The following UGGT2 variants were observed in gnomAD, a reference collection of about 807,000 sequenced individuals.
The protein encoded by UGGT2 is UDP-glucose glycoprotein glucosyltransferase 2.
A neutral mutation model predicts 192.1 loss-of-function variants in UGGT2; 180 were observed. The ratio of observed to expected loss-of-function variants is 0.94; its 90% CI spans 0.83 to 1.06. The LOEUF is 1.06. Among genes scored for constraint, UGGT2 ranks in the 50% least tolerant of loss-of-function variants. The probability of loss-of-function intolerance (pLI) is 0.00; values close to 1 mark genes in which losing one functional copy is unlikely to be tolerated. For synonymous variants in UGGT2, 580 were observed against 591.0 expected, an observed-to-expected ratio of 0.98 and a Z score of 0.27; for missense variants, 1,849 against 1,795.7, an observed-to-expected ratio of 1.03 and a Z score of -0.54.
chr13:95,968,802 C>T (rs1260075157), intron 12 of UGGT2, among the ~76,000 whole-genome samples: 3 of 152,018 alleles, frequency 2.0e-5, no homozygotes, highest in Non-Finnish European at 4.4e-5. Context: ...ATGTGCTATA[C>T]CCATACATGT....
At chr13:96,039,539 T>C (rs1240562602) in intron 1 of UGGT2, among the ~76,000 whole-genome samples, 1 of 152,206 alleles carries the variant, frequency 6.6e-6, no homozygotes, top group Non-Finnish European at 1.5e-5. Flanking sequence ...AGAGCACACA[T>C]TCCCAACACT....
At chr13:95,899,696 G>C (rs1397429639) in intron 22 of UGGT2, among the ~76,000 whole-genome samples, 2 of 152,024 alleles carry the variant, frequency 1.3e-5, no homozygotes, top group African/African-American at 2.4e-5. Context: ...GTCAAAGACA[G>C]CCAAAAGCTT....
intron 17 of UGGT2, 127 bp from the exon 18 acceptor site, chr13:95,927,463 TTTCTTTC>T (rs1410654534): frequency 1.1e-5 from 6 of 562,636 alleles, no homozygotes; most frequent in East Asian, 7.6e-5. Context: ...TACAATACAT[TTTCTTTC>T]TTTTTTTTTT....
intron 1 of UGGT2, among the ~76,000 whole-genome samples, chr13:96,048,915 T>A (rs993314437): frequency 2.4e-4 from 37 of 152,182 alleles, no homozygotes; most frequent in African/African-American, 8.4e-4. Context: ...AAAGAGGAGC[T>A]GGTACCATTC....
At position 95,883,704 on chromosome 13, in the gene UGGT2, G is replaced by C. The variant is rs183641616; in HGVS notation, c.3228+787C>G. ...GAGGCCTCCCTAGCCATGCGAAACT[G>C]TGAGTTAATTAAGCCTCTTTTCCAT... is the stretch of plus-strand genomic sequence containing the variant. On this transcript the variant is annotated intron_variant, in intron 27 of 38. Transcript: ENST00000376747. Among the ~76,000 whole-genome samples, 5 of 152,238 alleles carry C rather than the reference G, an allele frequency of 3.3e-5. No homozygotes were observed. The East Asian group carries it at 5.8e-4, about 18-fold the overall frequency.
At chr13:95,840,214 G>T (rs1031087140) in intron 36 of UGGT2, among the ~76,000 whole-genome samples, 1 of 152,066 alleles carries the variant, frequency 6.6e-6, no homozygotes, top group Admixed American at 6.6e-5. Flanking sequence ...TTAAACTAAA[G>T]AGCTTCTGCA....
intron 38 of UGGT2, among the ~76,000 whole-genome samples, chr13:95,811,782 C>G (rs1223061649): frequency 6.6e-6 from 1 of 151,594 alleles, no homozygotes; most frequent in Non-Finnish European, 1.5e-5. Flanking sequence ...ATATATGAAA[C>G]AAAGTAATAT....
At chr13:95,853,891 A>G (rs529149971) in intron 35 of UGGT2, among the ~76,000 whole-genome samples, 1 of 152,226 alleles carries the variant, frequency 6.6e-6, no homozygotes, top group East Asian at 1.9e-4. Context: ...AGATTTTCCA[A>G]GTTGTCATGA....
At chr13:95,802,256 T>C (rs191451827) in intron 38 of UGGT2, among the ~76,000 whole-genome samples, 1 of 152,302 alleles carries the variant, frequency 6.6e-6, no homozygotes, top group Admixed American at 6.5e-5. Flanking sequence ...CACTCTGACA[T>C]AGACATAAGT....
chr13:95,820,400 A>T (rs1287652194), intron 38 of UGGT2, among the ~76,000 whole-genome samples: 1 of 152,156 alleles, frequency 6.6e-6, no homozygotes, highest in Non-Finnish European at 1.5e-5. Context: ...CAAAAAAGGA[A>T]TACAAAGCTC....
At chr13:95,862,792 C>T (rs765746242) in intron 31 of UGGT2, among the ~76,000 whole-genome samples, 1 of 152,186 alleles carries the variant, frequency 6.6e-6, no homozygotes, top group African/African-American at 2.4e-5. Context: ...ATTGTTTCCA[C>T]ACCACATCAC....
rs752624715 is a variant in UGGT2 at position 95,936,927 on chromosome 13, A to G, written c.1974T>C (p.Phe658=). 21 of 1,521,448 alleles carry G rather than the reference A, an allele frequency of 1.4e-5. No homozygotes were observed. The highest frequency in any genetic ancestry group is 1.6e-5 in the Non-Finnish European group (18 of 1,140,406). 94.2% of individuals were successfully genotyped at this position (1,521,448 alleles called of 1,614,324 possible). Reference sequence around the variant, plus strand: ...TTTCTTATAAATGCTTACCTACCAAAAAAACTTCTCTTTGTAAATATACAG... The same window carrying G: ...TTTCTTATAAATGCTTACCTACCAAGAAAACTTCTCTTTGTAAATATACAG... The part of the protein sequence containing the change: ...DASVYLQREV[F]LGTLNDRTNA... Residue 658 remains phenylalanine (F), a synonymous_variant, in exon 17 of 39, where the codon TTT becomes TTC. Coordinates refer to ENST00000376747, the MANE Select transcript of UGGT2 (RefSeq NM_020121.4).
intron 38 of UGGT2, among the ~76,000 whole-genome samples, chr13:95,810,661 TACAGATAGGTGG>T (rs1052793110): frequency 6.6e-6 from 1 of 152,228 alleles, no homozygotes; most frequent in Admixed American, 6.5e-5. Context: ...GAAAAAAATC[TACAGATAGGTGG>T]ACCTGTGCGG....
At chr13:95,839,176 G>GT (rs1327207488) in intron 36 of UGGT2, among the ~76,000 whole-genome samples, 2 of 151,904 alleles carry the variant, frequency 1.3e-5, no homozygotes, top group African/African-American at 4.8e-5. Flanking sequence ...CATGCCGACT[G>GT]TTTTTTCATT....
chr13:96,025,581 T>C (rs2052639068), intron 2 of UGGT2, among the ~76,000 whole-genome samples: 1 of 152,190 alleles, frequency 6.6e-6, no homozygotes, highest in African/African-American at 2.4e-5. Flanking sequence ...AAAGAAGCTA[T>C]GAATCACTCA....
Position 95,983,807 on chromosome 13 carries a change from T to C in UGGT2, c.1089A>G (p.Gln363=). The C allele has an allele frequency of 6.4e-7, 1 of 1,558,482 alleles. No homozygotes were observed. The part of the protein sequence containing the change: ...QHMREEIKEN[Q]KDLQVRFKIQ... ...TAAAAAAGGAATTCAAACAAACCTTTTGATTTTCCTTTATTTCTTCTCTCA... is the reference window on the plus strand; with the variant it reads ...TAAAAAAGGAATTCAAACAAACCTTCTGATTTTCCTTTATTTCTTCTCTCA... Residue 363 remains glutamine, a synonymous_variant, in exon 10 of 39, where the codon CAA becomes CAG. Transcript: ENST00000376747.
At chr13:95,989,536 G>A in intron 8 of UGGT2, 1 of 389,376 alleles carries the variant, frequency 2.6e-6, no homozygotes. Flanking sequence ...AAAACTGCAT[G>A]TCCTCCATTT....
At chr13:95,905,759 A>G (rs1184689287) in intron 20 of UGGT2, among the ~76,000 whole-genome samples, 1 of 152,196 alleles carries the variant, frequency 6.6e-6, no homozygotes, top group African/African-American at 2.4e-5. Flanking sequence ...CTTTTGGCTT[A>G]GGATTGACTT....
At chr13:96,028,206 T>C (rs1361146082) in intron 2 of UGGT2, among the ~76,000 whole-genome samples, 2 of 152,256 alleles carry the variant, frequency 1.3e-5, no homozygotes, top group African/African-American at 4.8e-5. Flanking sequence ...CTTACCGATA[T>C]ATTTATATTT....
Sources: allele counts gnomAD v4.1 joint callset (sites outside exome capture counted in the v4.1 genomes callset), GRCh38; gene constraint gnomAD v4.1.1; transcripts MANE v1.5; gene names NCBI Gene and HGNC (gene_info 2026-07-23, HGNC 2026-07-21).